LRFN5: variants seen among roughly 807,000 people sequenced by gnomAD.
The protein encoded by LRFN5 is leucine-rich repeat and fibronectin type-III domain-containing protein 5.
LRFN5 carries 24 observed loss-of-function variants against 45.6 expected under a neutral mutation model. The observed-to-expected ratio is 0.53, with a 90% CI of 0.38 to 0.74. The LOEUF (loss-of-function observed/expected upper bound fraction) is 0.74. Among genes scored for constraint, LRFN5 ranks in the 30% least tolerant of loss-of-function variants. The pLI, the probability that LRFN5 is intolerant of heterozygous loss-of-function variation, is 0.00. For missense variants in LRFN5, 776 were observed against 861.5 expected, an observed-to-expected ratio of 0.90 and a Z score of 1.24; for synonymous variants, 340 against 313.8, an observed-to-expected ratio of 1.08 and a Z score of -0.88.
At chr14:41,610,341 T>C (rs923829275) in intron 1 of LRFN5, among the ~76,000 whole-genome samples, 1 of 152,202 alleles carries the variant, frequency 6.6e-6, no homozygotes, top group Non-Finnish European at 1.5e-5. Context: ...AAATACTGCA[T>C]GATTTATCAG....
At chr14:41,734,983 G>C (rs1336974918) in intron 1 of LRFN5, among the ~76,000 whole-genome samples, 2 of 151,914 alleles carry the variant, frequency 1.3e-5, no homozygotes, top group Non-Finnish European at 2.9e-5. Flanking sequence ...TTTATAGTTT[G>C]TGTTACTTAA....
At chr14:41,826,193 T>C (rs1026112034) in intron 2 of LRFN5, among the ~76,000 whole-genome samples, 1 of 152,154 alleles carries the variant, frequency 6.6e-6, no homozygotes, top group African/African-American at 2.4e-5. Flanking sequence ...TCTTGAGAAG[T>C]CACACTAACT....
At chr14:41,824,217 T>G (rs1317978329) in intron 2 of LRFN5, among the ~76,000 whole-genome samples, 1 of 152,224 alleles carries the variant, frequency 6.6e-6, no homozygotes, top group Non-Finnish European at 1.5e-5. Flanking sequence ...TTATGGTTAT[T>G]TAGAGGTGTT....
At chr14:41,865,522 C>T (rs1245076482) in intron 2 of LRFN5, among the ~76,000 whole-genome samples, 1 of 152,006 alleles carries the variant, frequency 6.6e-6, no homozygotes, top group East Asian at 1.9e-4. Flanking sequence ...AGTAATATTG[C>T]TCTCACAATT....
chr14:41,694,569 C>CTTGTATGTGT (rs1185777346), intron 1 of LRFN5, among the ~76,000 whole-genome samples: 3 of 151,686 alleles, frequency 2.0e-5, no homozygotes, highest in Non-Finnish European at 4.4e-5. Context: ...ATGGGCATTC[C>CTTGTATGTGT]TTGTATGTGT....
intron 2 of LRFN5, among the ~76,000 whole-genome samples, chr14:41,873,411 G>C (rs1566496473): frequency 1.1e-5 from 1 of 90,796 alleles, no homozygotes; most frequent in African/African-American, 4.2e-5. Context: ...GAGAAAGAGA[G>C]AGAGAGACAG....
Position 41,630,390 on chromosome 14 carries a change from T to A in LRFN5, c.-197+21828T>A, listed in dbSNP as rs561071049. Among the ~76,000 whole-genome samples, 357 of 152,270 alleles carry A rather than the reference T, an allele frequency of 2.3e-3. 1 individual carries two copies. The highest frequency in any genetic ancestry group is 8.1e-3 in the African/African-American group (338 of 41,578). On this transcript the variant is annotated intron_variant, in intron 1 of 5. Coordinates refer to ENST00000298119, the MANE Select transcript of LRFN5 (RefSeq NM_152447.5). Reference sequence around the variant, plus strand: ...GTAAATATTTATTGTTTCAAAAGTATAATGGGAATTGCTGATCCTATTTAA... The same window carrying A: ...GTAAATATTTATTGTTTCAAAAGTAAAATGGGAATTGCTGATCCTATTTAA...
intron 2 of LRFN5, among the ~76,000 whole-genome samples, chr14:41,802,635 G>A (rs1887376198): frequency 6.6e-6 from 1 of 152,138 alleles, no homozygotes; most frequent in Non-Finnish European, 1.5e-5. Flanking sequence ...TTAGCCCAGA[G>A]TTTTGTGGTC....
rs1439988478 is a variant in LRFN5 at position 41,891,668 on chromosome 14, T to C, written c.1804T>C (p.Cys602Arg). The stretch of plus-strand genomic sequence containing the variant: ...TGTGGGACACGAAGAGAATGCCCAG[T>C]GTTGTAAAGCTACCAGTGACAATGT... The part of the protein sequence containing the change: ...QAVGHEENAQ[C>R]CKATSDNVIQ... The change falls in exon 4 of 6, where the codon TGT (cysteine) becomes CGT (arginine). Residue 602 changes from cysteine (C) to arginine (R), a missense_variant. Physicochemically the swap from Cys to Arg is radical, Grantham distance 180. Transcript: ENST00000298119. The C allele has an allele frequency of 6.2e-7, 1 of 1,614,190 alleles. No individual in the cohort carries two copies.
intron 2 of LRFN5, among the ~76,000 whole-genome samples, chr14:41,811,167 T>C (rs559148601): frequency 6.6e-6 from 1 of 152,164 alleles, no homozygotes; most frequent in African/African-American, 2.4e-5. Flanking sequence ...GCATATGAAA[T>C]GGCATTCAAA....
At chr14:41,837,948 A>G (rs995585021) in intron 2 of LRFN5, among the ~76,000 whole-genome samples, 1 of 152,212 alleles carries the variant, frequency 6.6e-6, no homozygotes, top group African/African-American at 2.4e-5. Context: ...GCTTATGAAC[A>G]TATACAACAT....
intron 2 of LRFN5, among the ~76,000 whole-genome samples, chr14:41,863,391 C>CA (rs1889735714): frequency 6.6e-6 from 1 of 151,860 alleles, no homozygotes; most frequent in African/African-American, 2.4e-5. Flanking sequence ...CCTTATTTTC[C>CA]AAAAAATGTC....
intron 2 of LRFN5, among the ~76,000 whole-genome samples, chr14:41,858,221 C>G (rs1889539320): frequency 6.6e-6 from 1 of 152,088 alleles, no homozygotes; most frequent in Non-Finnish European, 1.5e-5. Flanking sequence ...AGGCAGCGTC[C>G]ATGCTCACTA....
At chr14:41,780,495 A>G (rs1026404135) in intron 2 of LRFN5, among the ~76,000 whole-genome samples, 6 of 151,960 alleles carry the variant, frequency 3.9e-5, no homozygotes, top group Non-Finnish European at 7.4e-5. Flanking sequence ...TGATATAGCT[A>G]CTTCAGCTTT....
rs139716067 is a variant in LRFN5, at chr14:41,755,242, T to A, written c.-196-11612T>A. Among the ~76,000 whole-genome samples the A allele has an allele frequency of 4.9e-3, 750 of 152,318 alleles. 5 individuals carry two copies. The highest frequency in any genetic ancestry group is 8.1e-3 in the Non-Finnish European group (554 of 68,022). The stretch of plus-strand genomic sequence containing the variant: ...GGTGCTGAGAAGAATGTATATTGTG[T>A]TGATTTGGGGTGGAGAGTTCTGTAG... On this transcript the variant is annotated intron_variant, in intron 1 of 5. Transcript: ENST00000298119.
intron 1 of LRFN5, among the ~76,000 whole-genome samples, chr14:41,714,432 A>T (rs1883405956): frequency 6.6e-6 from 1 of 152,184 alleles, no homozygotes; most frequent in Non-Finnish European, 1.5e-5. Context: ...TGAACTATAT[A>T]ATAGTCTATT....
intron 1 of LRFN5, among the ~76,000 whole-genome samples, chr14:41,761,266 A>T (rs1470347291): frequency 1.3e-5 from 2 of 150,662 alleles, no homozygotes; most frequent in Non-Finnish European, 3.0e-5. Flanking sequence ...AGAGGGAGGG[A>T]GGCAGGAGAA....
chr14:41,803,489 CT>C (rs1156732116), intron 2 of LRFN5, among the ~76,000 whole-genome samples: 1 of 151,742 alleles, frequency 6.6e-6, no homozygotes, highest in East Asian at 2.0e-4. Context: ...GTAGCTAGGA[CT>C]ACAAGTGCAC....
At chr14:41,793,243 C>G (rs1298843883) in intron 2 of LRFN5, among the ~76,000 whole-genome samples, 2 of 151,998 alleles carry the variant, frequency 1.3e-5, no homozygotes, top group African/African-American at 2.4e-5. Context: ...TCCAGCCGGT[C>G]CCTCCGTTCG....
Sources: allele counts gnomAD v4.1 joint callset (sites outside exome capture counted in the v4.1 genomes callset), GRCh38; gene constraint gnomAD v4.1.1; transcripts MANE v1.5; gene names NCBI Gene and HGNC (gene_info 2026-07-23, HGNC 2026-07-21).